Variants in AFDN observed in about 807,000 individuals in gnomAD.
The protein encoded by AFDN is afadin.
In AFDN, 68 loss-of-function variants were observed where a neutral mutation model predicts 216.6. The ratio of observed to expected loss-of-function variants is 0.31; its 90% confidence interval spans 0.26 to 0.38. The LOEUF (loss-of-function observed/expected upper bound fraction) is 0.38, where lower values mean the gene tolerates loss of function less well. Ranked by LOEUF, AFDN falls within the 10% of genes least tolerant of loss-of-function variation. The pLI, the probability that AFDN is intolerant of heterozygous loss-of-function variation, is 1.00. For synonymous variants in AFDN, 868 were observed against 853.7 expected, an observed-to-expected ratio of 1.02 and a Z score of -0.29; for missense variants, 2,136 against 2,342.0, an observed-to-expected ratio of 0.91 and a Z score of 1.82.
chr6:167,939,591 G>A lies in AFDN; in HGVS notation c.3100-3538G>A, dbSNP rs1289249666. Among the ~76,000 whole-genome samples the A allele has an allele frequency of 2.6e-5, 4 of 152,220 alleles. No homozygotes were observed. In the East Asian group the frequency reaches 5.8e-4, roughly 22 times the overall value. ...GTGTTTGTCTGGTTTGTTCATTGAT[G>A]TGTACGTGGAGCTTAGGACAATACA... On this transcript the variant is annotated intron_variant, in intron 23 of 33. Coordinates refer to ENST00000683244, the MANE Select transcript of AFDN (RefSeq NM_001386888.1).
chr6:167,945,173 T>A (rs951403452), intron 26 of AFDN, among the ~76,000 whole-genome samples: 3 of 151,978 alleles, frequency 2.0e-5, no homozygotes, highest in Non-Finnish European at 4.4e-5. Context: ...ATTTTTTTTT[T>A]AATTTATCTT....
intron 26 of AFDN, among the ~76,000 whole-genome samples, chr6:167,945,320 C>T (rs562168334): frequency 3.4e-4 from 52 of 152,266 alleles, no homozygotes; most frequent in Admixed American, 1.2e-3. Flanking sequence ...AGTGACATGC[C>T]ATGGAGCCAT....
chr6:167,912,182 GTACT>G (rs1331057699), intron 15 of AFDN: 10 of 152,270 alleles, frequency 6.6e-5, no homozygotes, highest in African/African-American at 1.7e-4. Context: ...ACTCCTTTAC[GTACT>G]TTCTGTCCCG....
intron 31 of AFDN, chr6:167,963,812 A>G: frequency 9.4e-7 from 1 of 1,063,284 alleles, no homozygotes; most frequent in Non-Finnish European, 1.1e-6. Flanking sequence ...TAAGGAAATC[A>G]GATTTACAAA....
intron 9 of AFDN, 67 bp from the exon 10 acceptor site, chr6:167,896,811 T>G (rs910296874): frequency 1.1e-6 from 1 of 936,810 alleles, no homozygotes; most frequent in South Asian, 1.5e-5. Context: ...ACCTTTTGTT[T>G]GTTGGAAATA....
At chr6:167,949,453 G>T (rs1795713046) in intron 29 of AFDN, among the ~76,000 whole-genome samples, 1 of 152,146 alleles carries the variant, frequency 6.6e-6, no homozygotes, top group African/African-American at 2.4e-5. Flanking sequence ...TTTTCTGACG[G>T]CAGAAAATGC....
At chr6:167,844,231 A>G (rs898247050) in intron 1 of AFDN, among the ~76,000 whole-genome samples, 3 of 148,768 alleles carry the variant, frequency 2.0e-5, no homozygotes, top group Non-Finnish European at 3.0e-5. Flanking sequence ...TTGAGATGAG[A>G]TCTTGCTGTG....
At chr6:167,903,402 T>C (rs1789240087) in intron 12 of AFDN, among the ~76,000 whole-genome samples, 1 of 152,176 alleles carries the variant, frequency 6.6e-6, no homozygotes, top group Admixed American at 6.5e-5. Context: ...TTAGCCCCAT[T>C]GGGGCAGCCA....
intron 1 of AFDN, among the ~76,000 whole-genome samples, chr6:167,861,471 G>C (rs1426800486): frequency 6.6e-6 from 1 of 152,058 alleles, no homozygotes; most frequent in Non-Finnish European, 1.5e-5. Flanking sequence ...TTACTCCCTT[G>C]GGTTTCTTTT....
At chr6:167,845,969 AG>A in intron 1 of AFDN, among the ~76,000 whole-genome samples, 1 of 152,144 alleles carries the variant, frequency 6.6e-6, no homozygotes, top group Non-Finnish European at 1.5e-5. Context: ...GAGTGCAAGC[AG>A]GGGAAATGCC....
intron 21 of AFDN, among the ~76,000 whole-genome samples, chr6:167,922,084 GGAA>G (rs1454822967): frequency 1.3e-5 from 2 of 152,194 alleles, no homozygotes; most frequent in East Asian, 1.9e-4. Flanking sequence ...GCTGATAGTG[GGAA>G]GAAGATGGCA....
intron 1 of AFDN, among the ~76,000 whole-genome samples, chr6:167,843,939 A>G (rs540263308): frequency 1.3e-5 from 2 of 152,206 alleles, no homozygotes; most frequent in Non-Finnish European, 2.9e-5. Flanking sequence ...TCAGGTGGGC[A>G]GTAACTGACC....
In AFDN at chr6:167,827,011, AGCCGCGGAGGCGGAGGCG is replaced by A. The variant is rs969800088; in HGVS notation, c.-117_-100del. 9 of 242,158 alleles carry A rather than the reference AGCCGCGGAGGCGGAGGCG, an allele frequency of 3.7e-5. No homozygotes were observed. Among genetic ancestry groups the A allele is most frequent in the South Asian group, 1.4e-4 (1 of 7,328 alleles). The allele number at this position is 242,158 out of a possible 1,614,324, so 15.0% of individuals were successfully genotyped here. On this transcript the variant is annotated 5_prime_UTR_variant, in exon 1 of 34. Coordinates refer to ENST00000683244, the MANE Select transcript of AFDN (RefSeq NM_001386888.1). The stretch of plus-strand genomic sequence containing the variant: ...GCGGCGCGGCCGCGGAGGCGGAGGC[AGCCGCGGAGGCGGAGGCG>A]GCCGGCGGGGGGTGGCGAGGGGCGC...
intron 6 of AFDN, among the ~76,000 whole-genome samples, chr6:167,887,584 T>A (rs1325932163): frequency 6.6e-6 from 1 of 151,978 alleles, no homozygotes; most frequent in Non-Finnish European, 1.5e-5. Flanking sequence ...GCCTCCCGAA[T>A]AACTGGGACT....
At chr6:167,922,081 G>C (rs558908456) in intron 21 of AFDN, among the ~76,000 whole-genome samples, 11 of 152,228 alleles carry the variant, frequency 7.2e-5, no homozygotes, top group Non-Finnish European at 1.5e-4. Context: ...GGTGCTGATA[G>C]TGGGAAGAAG....
chr6:167,900,941 G>A (rs1467097219), intron 11 of AFDN, among the ~76,000 whole-genome samples: 1 of 152,170 alleles, frequency 6.6e-6, no homozygotes, highest in East Asian at 1.9e-4. Context: ...GCAGAAAATT[G>A]ACAATTATTT....
rs189573885 is a variant in AFDN, at chr6:167,846,495, G to A, written c.106-18056G>A. On this transcript the variant is annotated intron_variant, in intron 1 of 33. Coordinates refer to ENST00000683244, the MANE Select transcript of AFDN (RefSeq NM_001386888.1). ...AAAACCAGTGCGTGAACTTTTAAAA[G>A]TTCAAAAATAAGCCATGAGCTTTGT... Among the ~76,000 whole-genome samples the A allele has an allele frequency of 7.0e-3, 1,063 of 152,070 alleles. 16 individuals carry two copies. The highest frequency in any genetic ancestry group is 0.024 in the African/African-American group (1,010 of 41,504).
chr6:167,830,926 T>C (rs958070738), intron 1 of AFDN, among the ~76,000 whole-genome samples: 2 of 147,136 alleles, frequency 1.4e-5, no homozygotes, highest in Non-Finnish European at 3.0e-5. Flanking sequence ...CTGAACTATA[T>C]TTGAAACTTT....
chr6:167,829,298 A>G (rs984236279), intron 1 of AFDN, among the ~76,000 whole-genome samples: 2 of 152,100 alleles, frequency 1.3e-5, no homozygotes, highest in African/African-American at 4.8e-5. Flanking sequence ...TTCCTGTACT[A>G]TTAAATTTAT....
Sources: allele counts gnomAD v4.1 joint callset (sites outside exome capture counted in the v4.1 genomes callset), GRCh38; gene constraint gnomAD v4.1.1; transcripts MANE v1.5; gene names NCBI Gene and HGNC (gene_info 2026-07-23, HGNC 2026-07-21).